YTHDC1: variants seen among roughly 807,000 people sequenced by gnomAD.
YTHDC1 encodes the protein YTH domain-containing protein 1.
YTHDC1 carries 12 observed loss-of-function variants against 107.0 expected under a neutral mutation model. The ratio of observed to expected loss-of-function variants is 0.11; its 90% CI spans 0.07 to 0.18. The LOEUF (loss-of-function observed/expected upper bound fraction) is 0.18. Ranked by LOEUF, YTHDC1 falls within the 10% of genes least tolerant of loss-of-function variation. The pLI is 1.00. For synonymous variants in YTHDC1, 280 were observed against 289.5 expected (o/e 0.97, Z 0.33); for missense variants, 635 against 898.8 (o/e 0.71, Z 3.75).
chr4:68,324,165 G>T lies in YTHDC1; in HGVS notation c.1408C>A (p.Pro470Thr). Residue 470 changes from proline (P) to threonine (T), a missense_variant, in exon 10 of 17, where the codon CCA (proline) becomes ACA (threonine). Around this residue, in one of 5 missense-constraint regions of YTHDC1, gnomAD observed 256 missense variants for 372.9 expected, o/e 0.69. Transcript: ENST00000344157. ...HLTNPWNEHK[P>T]VKIGRDGQEI... ...TGTCCATCACGTCCGATCTTTACTG[G>T]TTTATGTTCATTCCAAGGATTGGTG... 1 of 1,613,862 alleles carries T rather than the reference G, an allele frequency of 6.2e-7. No individual in the cohort carries two copies. The highest frequency in any genetic ancestry group is 8.5e-7 in the Non-Finnish European group (1 of 1,179,894).
rs531459725 is a variant in YTHDC1 at position 68,312,293 on chromosome 4, T to C, written c.*1806A>G. The C allele has an allele frequency of 6.6e-6, 1 of 152,320 alleles. No homozygotes were observed. The highest frequency in any genetic ancestry group is 2.4e-5 in the African/African-American group (1 of 41,584). 9.4% of individuals were successfully genotyped at this position (152,320 alleles called of 1,614,324 possible). On this transcript the variant is annotated 3_prime_UTR_variant, in exon 17 of 17. Transcript: ENST00000344157. The stretch of plus-strand genomic sequence containing the variant: ...TCTGTATATAAAAGCACAAAGTCTC[T>C]ATTGCATACAAAGTGCTCAGTATTT...
intron 2 of YTHDC1, 130 bp downstream of exon 2, chr4:68,338,153 T>C: frequency 1.6e-6 from 2 of 1,281,988 alleles, no homozygotes; most frequent in South Asian, 2.9e-5. Context: ...TGGATACCAG[T>C]TTATTATGTA....
rs776315211 is a variant in YTHDC1 at position 68,318,901 on chromosome 4, A to T, written c.1685-39T>A. 1.9e-6 allele frequency: 3 copies of T among 1,606,982 alleles called. No individual in the cohort carries two copies. The Admixed American group carries it at 5.0e-5, about 27-fold the overall frequency. On this transcript the variant is annotated intron_variant, in intron 12 of 16. Coordinates refer to ENST00000344157, the MANE Select transcript of YTHDC1 (RefSeq NM_001031732.4). ...AAGCATTTTAGTAAATCAAATTTAT[A>T]TTTTTCTTTTATGGCATTATAATTA... is the stretch of plus-strand genomic sequence containing the variant.
chr4:68,316,423 G>A lies in YTHDC1; in HGVS notation c.1850C>T (p.Pro617Leu). 1.2e-6 allele frequency: 2 copies of A among 1,613,886 alleles called. No individual in the cohort carries two copies. The highest frequency in any genetic ancestry group is 1.7e-6 in the Non-Finnish European group (2 of 1,179,914). ...GMPPYPGMEQPPHHPYYQHHA... is the reference protein window; with the variant it reads ...GMPPYPGMEQLPHHPYYQHHA... The stretch of plus-strand genomic sequence containing the variant: ...GTGCTGATAGTAAGGATGGTGTGGA[G>A]GTTGTTCCATTCCTGGGTAAGGGGG... The change falls in exon 16 of 17, where the codon CCT (proline) becomes CTT (leucine). Residue 617 changes from proline (P) to leucine (L), a missense_variant. Physicochemically the swap from Pro to Leu is moderately conservative, Grantham distance 98 (BLOSUM62 -3). Coordinates refer to ENST00000344157, the MANE Select transcript of YTHDC1 (RefSeq NM_001031732.4).
chr4:68,334,748 G>A (rs555925645), intron 4 of YTHDC1, among the ~76,000 whole-genome samples: 6 of 152,220 alleles, frequency 3.9e-5, no homozygotes, highest in South Asian at 2.1e-4. Context: ...AAAGGGCCTG[G>A]TGCAGTTGCT....
At chr4:68,332,761 T>C (rs529515051) in intron 6 of YTHDC1, 33 bp downstream of exon 6, 2 of 1,596,990 alleles carry the variant, frequency 1.3e-6, no homozygotes, top group Admixed American at 1.7e-5. Flanking sequence ...CTATGCAGCA[T>C]GCAATGAAAA....
intron 12 of YTHDC1, among the ~76,000 whole-genome samples, 183 bp from the exon 13 acceptor site, chr4:68,319,045 A>G (rs564701791): frequency 1.7e-3 from 253 of 152,340 alleles, no homozygotes; most frequent in Middle Eastern, 3.4e-3. Flanking sequence ...CTAGGAAATA[A>G]CTAATGATAT....
intron 1 of YTHDC1, among the ~76,000 whole-genome samples, chr4:68,343,233 C>T (rs886162240): frequency 1.3e-5 from 2 of 152,010 alleles, no homozygotes; most frequent in Non-Finnish European, 2.9e-5. Flanking sequence ...GAGTCTCTCT[C>T]TGTCACCCAG....
At chr4:68,326,181 C>T (rs1449129067) in intron 9 of YTHDC1, among the ~76,000 whole-genome samples, 5 of 151,986 alleles carry the variant, frequency 3.3e-5, no homozygotes, top group Non-Finnish European at 7.4e-5. Context: ...TAAATACCCA[C>T]GATCCAAGTA....
chr4:68,340,799 A>C (rs1724724640), intron 1 of YTHDC1, among the ~76,000 whole-genome samples: 1 of 152,098 alleles, frequency 6.6e-6, no homozygotes. Context: ...CGAACCCTGA[A>C]CATTTATATT....
chr4:68,330,108 G>C lies in YTHDC1; in HGVS notation c.1243C>G (p.Leu415Val), dbSNP rs772379553. The C allele has an allele frequency of 6.2e-7, 1 of 1,613,154 alleles. No homozygotes were observed. Among genetic ancestry groups the C allele is most frequent in the Non-Finnish European group, 8.5e-7 (1 of 1,179,380 alleles). ...CCTCCGTGATGTGATTCTGAAGAAA[G>C]TCTTGCAAACCCTAAGAGAATCATA... Reference protein sequence around the residue: ...ESGKFQGFARLSSESHHGGSP... With the variant: ...ESGKFQGFARVSSESHHGGSP... Residue 415 changes from leucine to valine, a missense_variant, in exon 9 of 17, where the codon CTT becomes GTT. Around this residue, in one of 5 missense-constraint regions of YTHDC1, gnomAD observed 60 missense variants for 172.0 expected, o/e 0.35. Transcript: ENST00000344157.
intron 15 of YTHDC1, among the ~76,000 whole-genome samples, chr4:68,318,110 C>T (rs906869738): frequency 9.2e-5 from 14 of 152,040 alleles, no homozygotes; most frequent in Admixed American, 8.5e-4. Flanking sequence ...TATTTTAAGT[C>T]TTTTTGAGAT....
chr4:68,349,348 A>C (rs1725816076), intron 1 of YTHDC1, among the ~76,000 whole-genome samples: 1 of 150,300 alleles, frequency 6.7e-6, no homozygotes, highest in Admixed American at 6.6e-5. Flanking sequence ...GGGGTTTTCA[A>C]ATTTTAGCCT....
At chr4:68,327,760 A>G (rs1171599665) in intron 9 of YTHDC1, among the ~76,000 whole-genome samples, 2 of 152,176 alleles carry the variant, frequency 1.3e-5, no homozygotes, top group African/African-American at 4.8e-5. Context: ...AATTCTCACT[A>G]TATAGAGAGA....
chr4:68,325,108 T>C (rs1722842367), intron 9 of YTHDC1, among the ~76,000 whole-genome samples: 1 of 152,188 alleles, frequency 6.6e-6, no homozygotes, highest in African/African-American at 2.4e-5. Flanking sequence ...TAAAGAACTA[T>C]TCACTGTACT....
At chr4:68,346,600 C>T (rs1157571825) in intron 1 of YTHDC1, among the ~76,000 whole-genome samples, 9 of 152,102 alleles carry the variant, frequency 5.9e-5, no homozygotes, top group Admixed American at 1.3e-4. Context: ...TGAATCATCC[C>T]TTTGGTCAAC....
At chr4:68,349,644 A>AC in intron 1 of YTHDC1, 82 bp downstream of exon 1, 1 of 142,100 alleles carries the variant, frequency 7.0e-6, no homozygotes, top group South Asian at 4.5e-5. Context: ...CCCACCCCCC[A>AC]CCCCCAACGA....
chr4:68,326,010 A>G (rs527319844), intron 9 of YTHDC1, among the ~76,000 whole-genome samples: 1 of 152,256 alleles, frequency 6.6e-6, no homozygotes, highest in East Asian at 1.9e-4. Flanking sequence ...CCAGAGGCAG[A>G]GATCTAGTTT....
At chr4:68,314,442 T>C in intron 16 of YTHDC1, 119 bp from the exon 17 acceptor site, 1 of 831,422 alleles carries the variant, frequency 1.2e-6, no homozygotes, top group Non-Finnish European at 1.7e-6. Flanking sequence ...GAAAAGTCTC[T>C]GTATTATAAT....
Sources: allele counts gnomAD v4.1 joint callset (sites outside exome capture counted in the v4.1 genomes callset), GRCh38; gene constraint gnomAD v4.1.1; regional missense constraint gnomAD v4.1.1; transcripts MANE v1.5; gene names NCBI Gene and HGNC (gene_info 2026-07-23, HGNC 2026-07-21).